Variants in NRG1 observed in about 807,000 individuals in gnomAD.
NRG1 encodes pro-neuregulin-1, membrane-bound isoform.
NRG1 carries 18 observed loss-of-function variants against 63.8 expected under a neutral mutation model. The observed-to-expected ratio is 0.28, with a 90% confidence interval of 0.19 to 0.42. NRG1 has a LOEUF of 0.42. Among genes scored for constraint, NRG1 ranks in the 10% least tolerant of loss-of-function variants. The pLI is 1.00. For synonymous variants in NRG1, 302 were observed against 301.3 expected, an observed-to-expected ratio of 1.00 and a Z score of -0.02; for missense variants, 762 against 814.7, an observed-to-expected ratio of 0.94 and a Z score of 0.79.
chr8:32,466,104 A>T (rs1012041990), intron 1 of NRG1, among the ~76,000 whole-genome samples: 3 of 152,170 alleles, frequency 2.0e-5, no homozygotes, highest in Admixed American at 2.0e-4. Context: ...GTAGTTCAAG[A>T]CCAAGCTAGG....
Position 32,393,903 on chromosome 8 carries a change from A to G in NRG1, c.38-201925A>G, listed in dbSNP as rs1001050412. Among the ~76,000 whole-genome samples, 95 of 152,144 alleles carry G rather than the reference A, an allele frequency of 6.2e-4. 2 individuals are homozygous for G. Among genetic ancestry groups the G allele is most frequent in the Non-Finnish European group, 8.8e-5 (6 of 68,020 alleles). On this transcript the variant is annotated intron_variant, in intron 1 of 10. Transcript: ENST00000519301. ...CTAAAATAAAAGTTTAAATAAATAA[A>G]TAAACTTGGTCTCCAGTGTTAAATA...
chr8:32,759,686 A>T (rs1303402530), intron 10 of NRG1, among the ~76,000 whole-genome samples: 1 of 152,192 alleles, frequency 6.6e-6, no homozygotes, highest in African/African-American at 2.4e-5. Flanking sequence ...CCGAATTGCT[A>T]CACTGGGACA....
chr8:32,103,501 G>T (rs1034804894), intron 1 of NRG1, among the ~76,000 whole-genome samples: 2 of 152,198 alleles, frequency 1.3e-5, no homozygotes, highest in African/African-American at 4.8e-5. Flanking sequence ...ACATGGATGT[G>T]CAGGTATCTC....
At chr8:32,296,433 G>A (rs546343296) in intron 1 of NRG1, among the ~76,000 whole-genome samples, 2 of 151,992 alleles carry the variant, frequency 1.3e-5, no homozygotes, top group South Asian at 4.2e-4. Flanking sequence ...GGCCAAACTA[G>A]TGAAACCTCG....
In NRG1 at chr8:31,640,254, G is replaced by A; in HGVS notation, c.37+823G>A. 2 of 1,145,152 alleles carry A rather than the reference G, an allele frequency of 1.7e-6. No individual in the cohort carries two copies. The highest frequency in any genetic ancestry group is 2.1e-6 in the Non-Finnish European group (2 of 932,404). 70.9% of individuals were successfully genotyped at this position (1,145,152 alleles called of 1,614,324 possible). On this transcript the variant is annotated intron_variant, in intron 1 of 10. Transcript: ENST00000519301. This position sits in a 1 kb window ranked among gnomAD's most constrained non-coding sequence, Gnocchi z 6.3. ...TGATCGAGGGAAAGGTGCACCCGCA[G>A]CGGCGGCAGCAGGGGGCACTCGACA...
chr8:31,756,694 A>G (rs193301995), intron 1 of NRG1, among the ~76,000 whole-genome samples: 1 of 152,294 alleles, frequency 6.6e-6, no homozygotes, highest in East Asian at 1.9e-4. Context: ...AGAAACAAAC[A>G]GCTGAAAGGA....
intron 1 of NRG1, among the ~76,000 whole-genome samples, chr8:32,147,236 G>A (rs904996966): frequency 3.9e-5 from 6 of 152,144 alleles, no homozygotes; most frequent in African/African-American, 1.4e-4. Context: ...CTTTGGCCAT[G>A]CAATTTACCC....
At chr8:32,769,169 C>T (rs1831628642), downstream of NRG1, among the ~76,000 whole-genome samples, 1 of 152,136 alleles carries the variant, frequency 6.6e-6, no homozygotes. Context: ...AAGATTGAGA[C>T]ATTATTCTCA....
chr8:32,465,587 A>G (rs987947292), intron 1 of NRG1, among the ~76,000 whole-genome samples: 2 of 139,248 alleles, frequency 1.4e-5, no homozygotes, highest in African/African-American at 5.0e-5. Context: ...AAAGACATTA[A>G]TAAAAAACAC....
intron 1 of NRG1, among the ~76,000 whole-genome samples, chr8:31,678,475 A>G (rs1191106731): frequency 1.3e-5 from 2 of 152,056 alleles, no homozygotes; most frequent in South Asian, 2.1e-4. Context: ...CTCATTTGGC[A>G]TAGCTTAATG....
intron 1 of NRG1, among the ~76,000 whole-genome samples, chr8:32,460,912 AG>A (rs1822232428): frequency 6.6e-6 from 1 of 152,190 alleles, no homozygotes; most frequent in Non-Finnish European, 1.5e-5. Context: ...ACAACACAAA[AG>A]ACTGTGTCTA....
chr8:31,930,904 T>A (rs113498004), intron 1 of NRG1, among the ~76,000 whole-genome samples: 1,667 of 152,342 alleles, frequency 0.011, 6 homozygotes, highest in Non-Finnish European at 0.016. Flanking sequence ...AATATTAGAT[T>A]GTTTCTCCAG....
exon 12 of NRG1, chr8:32,764,075 G>T (rs1831187140): frequency 6.2e-7 from 1 of 1,614,056 alleles, no homozygotes; most frequent in Non-Finnish European, 8.5e-7. Flanking sequence ...AAGAGTACGA[G>T]CCAGCCCAAG....
intron 1 of NRG1, among the ~76,000 whole-genome samples, chr8:31,711,538 T>C (rs1197037013): frequency 3.3e-5 from 5 of 152,212 alleles, no homozygotes; most frequent in African/African-American, 4.8e-5. Context: ...ACTGGGTTAG[T>C]TTTTCCTTGC....
chr8:31,897,860 CA>C lies in NRG1; in HGVS notation c.37+258439del, dbSNP rs3052833. 4.4e-4 allele frequency among the ~76,000 whole-genome samples: 64 copies of C among 146,924 alleles called. No homozygotes were observed. In the South Asian group the frequency reaches 5.0e-3, roughly 11 times the overall value. ...TGAAACCCTATTTCTACTAAAAATACAAAAAAAAAATGAGCTAGGCGTGGTG... is the reference window on the plus strand; with the variant it reads ...TGAAACCCTATTTCTACTAAAAATACAAAAAAAAATGAGCTAGGCGTGGTG... On this transcript the variant is annotated intron_variant, in intron 1 of 10. Transcript: ENST00000519301.
intron 1 of NRG1, among the ~76,000 whole-genome samples, chr8:32,222,478 A>T (rs1045369120): frequency 2.6e-5 from 4 of 152,164 alleles, no homozygotes. Flanking sequence ...CCCTAGAAAC[A>T]GAAAGAAAGA....
intron 1 of NRG1, among the ~76,000 whole-genome samples, chr8:32,233,559 ATATATTTTT>A (rs1197651357): frequency 0.043 from 2,906 of 67,456 alleles, 84 homozygotes; most frequent in African/African-American, 0.16. Flanking sequence ...ATATATATAT[ATATATTTTT>A]TTTTTTTTTT....
chr8:32,297,018 G>C (rs1020791341), intron 1 of NRG1, among the ~76,000 whole-genome samples: 1 of 151,924 alleles, frequency 6.6e-6, no homozygotes, highest in Non-Finnish European at 1.5e-5. Context: ...CGGAAGCTGA[G>C]GCAGGAGAAT....
intron 1 of NRG1, among the ~76,000 whole-genome samples, chr8:31,702,419 TAAAGGAA>T (rs1229271418): frequency 6.6e-6 from 1 of 151,398 alleles, no homozygotes; most frequent in Non-Finnish European, 1.5e-5. Flanking sequence ...AAAGATAGAA[TAAAGGAA>T]AAACTACCTA....
Sources: allele counts gnomAD v4.1 joint callset (sites outside exome capture counted in the v4.1 genomes callset), GRCh38; gene constraint gnomAD v4.1.1; non-coding constraint Gnocchi (gnomAD v3.1); transcripts MANE v1.5; gene names NCBI Gene and HGNC (gene_info 2026-07-23, HGNC 2026-07-21).